The following R3HDM2 variants were observed in gnomAD, a reference collection of about 807,000 sequenced individuals.
R3HDM2 encodes R3H domain containing 2.
Under a neutral mutation model 124.5 loss-of-function variants are expected in R3HDM2, and 38 were observed. The ratio of observed to expected loss-of-function variants is 0.31; its 90% CI spans 0.24 to 0.40. The LOEUF (loss-of-function observed/expected upper bound fraction) is 0.40. Ranked by LOEUF, R3HDM2 falls within the 10% of genes least tolerant of loss-of-function variation. The probability of loss-of-function intolerance (pLI) is 1.00; values close to 1 mark genes in which losing one functional copy is unlikely to be tolerated. For synonymous variants in R3HDM2, 391 were observed against 448.0 expected (o/e 0.87, Z 1.61); for missense variants, 869 against 1,236.9 (o/e 0.70, Z 4.46).
chr12:57,339,572 C>T (rs1249581851), intron 2 of R3HDM2, among the ~76,000 whole-genome samples: 1 of 151,894 alleles, frequency 6.6e-6, no homozygotes, highest in South Asian at 2.1e-4. Flanking sequence ...GTGGCATGCA[C>T]CTGTAATGCC....
chr12:57,405,494 G>A (rs2068446248), intron 1 of R3HDM2, among the ~76,000 whole-genome samples: 2 of 152,020 alleles, frequency 1.3e-5, no homozygotes, highest in Non-Finnish European at 1.5e-5. Context: ...AATTAGCTGG[G>A]CATGGTGGTG....
intron 14 of R3HDM2, among the ~76,000 whole-genome samples, chr12:57,276,932 G>A (rs2044917480): frequency 1.3e-5 from 2 of 151,950 alleles, no homozygotes; most frequent in South Asian, 4.2e-4. Flanking sequence ...GGAGACTTGA[G>A]GGGAAGAGTG....
chr12:57,384,849 G>GA (rs1309611257), intron 2 of R3HDM2, among the ~76,000 whole-genome samples: 1 of 152,190 alleles, frequency 6.6e-6, no homozygotes, highest in Non-Finnish European at 1.5e-5. Flanking sequence ...AAAAAAATGT[G>GA]AAAAGTACTC....
chr12:57,297,193 C>T (rs1212530990), intron 8 of R3HDM2, 135 bp downstream of exon 8: 1 of 570,408 alleles, frequency 1.8e-6, no homozygotes, highest in African/African-American at 1.9e-5. Context: ...CAACTCAAAT[C>T]TACATAATAA....
intron 2 of R3HDM2, among the ~76,000 whole-genome samples, chr12:57,363,610 G>A (rs2062211913): frequency 6.6e-6 from 1 of 152,152 alleles, no homozygotes; most frequent in African/African-American, 2.4e-5. Context: ...AATAAAATTT[G>A]AGATGGATAT....
intron 18 of R3HDM2, among the ~76,000 whole-genome samples, chr12:57,267,368 A>G (rs1228454197): frequency 2.0e-5 from 3 of 152,266 alleles, no homozygotes; most frequent in Non-Finnish European, 2.9e-5. Context: ...CAACCTGGCC[A>G]ACATGGCGAA....
At chr12:57,262,176 T>G (rs914825782) in intron 19 of R3HDM2, among the ~76,000 whole-genome samples, 3 of 152,178 alleles carry the variant, frequency 2.0e-5, no homozygotes, top group Non-Finnish European at 4.4e-5. Context: ...CAATAATATC[T>G]TGGTATTTTT....
At chr12:57,404,357 C>T (rs573121192) in intron 1 of R3HDM2, among the ~76,000 whole-genome samples, 36 of 151,146 alleles carry the variant, frequency 2.4e-4, no homozygotes, top group African/African-American at 8.5e-4. Context: ...AGCCACCGCG[C>T]CTGGCCATCC....
At chr12:57,374,061 G>C (rs1013643988) in intron 2 of R3HDM2, among the ~76,000 whole-genome samples, 2 of 152,040 alleles carry the variant, frequency 1.3e-5, no homozygotes, top group East Asian at 3.9e-4. Flanking sequence ...CCAGGAGACA[G>C]AGGTTGCAGT....
At chr12:57,353,562 G>C (rs576417778) in intron 2 of R3HDM2, among the ~76,000 whole-genome samples, 1 of 152,128 alleles carries the variant, frequency 6.6e-6, no homozygotes, top group East Asian at 1.9e-4. Flanking sequence ...GAATATCTGG[G>C]TTGTTTCCCA....
rs145716851 is a variant in R3HDM2 at position 57,323,480 on chromosome 12, T to C, written c.-35-13017A>G. Among the ~76,000 whole-genome samples the C allele has an allele frequency of 3.3e-5, 5 of 152,220 alleles. No individual in the cohort carries two copies. In the East Asian group the frequency reaches 9.6e-4, roughly 29 times the overall value. On this transcript the variant is annotated intron_variant, in intron 2 of 23. Coordinates refer to ENST00000402412, the MANE Select transcript of R3HDM2 (RefSeq NM_001394031.1). The stretch of plus-strand genomic sequence containing the variant: ...ATTAGTACTGGGCCAATAACAATAA[T>C]AAAACAATAGTTGTGCCAATATTCC...
intron 2 of R3HDM2, among the ~76,000 whole-genome samples, chr12:57,341,043 C>T (rs940000125): frequency 3.9e-5 from 6 of 152,124 alleles, no homozygotes; most frequent in African/African-American, 1.4e-4. Context: ...ACATAACTAC[C>T]TATTTTTTAG....
chr12:57,284,118 A>G (rs112238755), intron 12 of R3HDM2, 62 bp from the exon 13 acceptor site: 2 of 1,372,790 alleles, frequency 1.5e-6, no homozygotes, highest in Non-Finnish European at 2.0e-6. Context: ...GGGCTAGGAG[A>G]TAATTCATTT....
chr12:57,280,200 T>G (rs1482583364), intron 14 of R3HDM2, among the ~76,000 whole-genome samples, 158 bp downstream of exon 14: 1 of 151,970 alleles, frequency 6.6e-6, no homozygotes, highest in Non-Finnish European at 1.5e-5. Flanking sequence ...CTCAAGGTTC[T>G]TCTTTCCCTA....
At chr12:57,259,180 G>A (rs6581131) in intron 19 of R3HDM2, 121 bp from the exon 20 acceptor site, 465,509 of 991,124 alleles carry the variant, frequency 0.47, 112,699 homozygotes, top group Admixed American at 0.55. Context: ...CTCAAGCTAC[G>A]TCTTGCCAGG....
At chr12:57,379,449 G>A (rs542203013) in intron 2 of R3HDM2, among the ~76,000 whole-genome samples, 3 of 152,126 alleles carry the variant, frequency 2.0e-5, no homozygotes, top group African/African-American at 7.2e-5. Flanking sequence ...GCGTGGTGAC[G>A]CATGCCTGTA....
chr12:57,416,952 A>G (rs577956294), intron 1 of R3HDM2, among the ~76,000 whole-genome samples: 1 of 151,740 alleles, frequency 6.6e-6, no homozygotes, highest in East Asian at 1.9e-4. Context: ...TCTACTAAAA[A>G]TACAAATTAG....
At position 57,254,557 on chromosome 12, in the gene R3HDM2, G is replaced by A; in HGVS notation, c.*216C>T. ...ATGGGAAGAAGAGTGATGCAAGGGG[G>A]GTCAACCAGGGAAAAAGAGAGGACC... On this transcript the variant is annotated 3_prime_UTR_variant, in exon 24 of 24. Transcript: ENST00000402412. 1 of 531,778 alleles carries A rather than the reference G, an allele frequency of 1.9e-6. No homozygotes were observed. The highest frequency in any genetic ancestry group is 3.3e-6 in the Non-Finnish European group (1 of 307,262). The allele number at this position is 531,778 out of a possible 1,614,324, so 32.9% of individuals were successfully genotyped here.
At chr12:57,260,594 G>C (rs755231763) in intron 19 of R3HDM2, among the ~76,000 whole-genome samples, 10 of 152,096 alleles carry the variant, frequency 6.6e-5, no homozygotes, top group African/African-American at 2.4e-4. Context: ...TCCCCGCAAG[G>C]GATTGTCTAG....
Sources: gnomAD v4.1 joint callset for allele counts (sites outside exome capture counted in the v4.1 genomes callset) on GRCh38, gnomAD v4.1.1 for gene constraint, MANE v1.5 for transcripts, NCBI Gene and HGNC (gene_info 2026-07-23, HGNC 2026-07-21) for gene names.